Variants in CNTNAP5 observed in about 807,000 individuals in gnomAD.
CNTNAP5 encodes contactin associated protein family member 5.
CNTNAP5 carries 72 observed loss-of-function variants against 150.2 expected under a neutral mutation model. That is an observed-to-expected ratio of 0.48 (90% confidence interval 0.40 to 0.58). The LOEUF (loss-of-function observed/expected upper bound fraction) is 0.58. Ranked by LOEUF, CNTNAP5 falls within the 20% of genes least tolerant of loss-of-function variation. CNTNAP5 has a pLI of 0.00. For synonymous variants in CNTNAP5, 672 were observed against 619.8 expected (o/e 1.08, Z -1.25); for missense variants, 1,636 against 1,626.2 (o/e 1.01, Z -0.10).
At chr2:124,649,358 C>G (rs1678270431) in intron 13 of CNTNAP5, among the ~76,000 whole-genome samples, 1 of 152,154 alleles carries the variant, frequency 6.6e-6, no homozygotes. Context: ...GTCTGTCAAG[C>G]CTGCACGTGC....
chr2:124,298,562 A>T (rs1688496858), intron 3 of CNTNAP5, among the ~76,000 whole-genome samples: 1 of 152,192 alleles, frequency 6.6e-6, no homozygotes, highest in Non-Finnish European at 1.5e-5. Flanking sequence ...GAGCCTCAGT[A>T]AATTTACTTA....
intron 1 of CNTNAP5, among the ~76,000 whole-genome samples, chr2:124,114,368 A>C (rs1683375729): frequency 6.6e-6 from 1 of 152,034 alleles, no homozygotes; most frequent in Non-Finnish European, 1.5e-5. Flanking sequence ...CTTAGATATT[A>C]ATATTTTTAT....
chr2:124,150,082 A>G (rs1372862954), intron 1 of CNTNAP5, among the ~76,000 whole-genome samples: 2 of 152,248 alleles, frequency 1.3e-5, no homozygotes, highest in African/African-American at 2.4e-5. Context: ...TTTAAAAACT[A>G]CTGTGGAAAG....
At chr2:124,472,856 T>C (rs1202474117) in intron 6 of CNTNAP5, among the ~76,000 whole-genome samples, 1 of 151,894 alleles carries the variant, frequency 6.6e-6, no homozygotes, top group African/African-American at 2.4e-5. Context: ...GGAAAAATAG[T>C]GCTGAGAGAC....
chr2:124,910,539 T>A (rs1037079659), intron 22 of CNTNAP5, among the ~76,000 whole-genome samples: 1 of 151,982 alleles, frequency 6.6e-6, no homozygotes, highest in Non-Finnish European at 1.5e-5. Flanking sequence ...TGCCTGCACA[T>A]CACCAATCTT....
At chr2:124,379,520 T>C (rs1690737064) in intron 3 of CNTNAP5, among the ~76,000 whole-genome samples, 1 of 152,164 alleles carries the variant, frequency 6.6e-6, no homozygotes, top group East Asian at 1.9e-4. Context: ...TGATATTCCA[T>C]TGTCTGGACA....
chr2:124,136,786 C>T (rs955504449), intron 1 of CNTNAP5, among the ~76,000 whole-genome samples: 20 of 152,152 alleles, frequency 1.3e-4, no homozygotes, highest in Admixed American at 6.5e-5. Context: ...AAGCAATGCA[C>T]CTCTTTTCTG....
intron 21 of CNTNAP5, among the ~76,000 whole-genome samples, chr2:124,883,616 A>G (rs1678014314): frequency 6.6e-6 from 1 of 152,072 alleles, no homozygotes; most frequent in Non-Finnish European, 1.5e-5. Context: ...ATGTATGTCC[A>G]TGTGTGGTGA....
rs547833278 is a variant in CNTNAP5, at chr2:124,802,690, T to A, written c.3217+4370T>A. ...TCACAGAATTTTATTTAGTGATGGC[T>A]TTGCCTTCTCCACAGTAGTGGGGAT... On this transcript the variant is annotated intron_variant, in intron 19 of 23. Transcript: ENST00000682447. Among the ~76,000 whole-genome samples, 12 of 152,290 alleles carry A rather than the reference T, an allele frequency of 7.9e-5. No homozygotes were observed. The East Asian group carries it at 2.3e-3, about 29-fold the overall frequency.
intron 21 of CNTNAP5, among the ~76,000 whole-genome samples, chr2:124,882,105 G>A (rs1677976357): frequency 6.6e-6 from 1 of 152,060 alleles, no homozygotes; most frequent in East Asian, 1.9e-4. Flanking sequence ...ACTCAGTTCA[G>A]GGGTTTTGAA....
chr2:124,440,649 C>T (rs1692650515), intron 5 of CNTNAP5, among the ~76,000 whole-genome samples: 1 of 152,046 alleles, frequency 6.6e-6, no homozygotes, highest in Non-Finnish European at 1.5e-5. Flanking sequence ...ACATTTCAAG[C>T]TTCCTATAAA....
intron 13 of CNTNAP5, among the ~76,000 whole-genome samples, chr2:124,703,215 TTTC>T (rs1486689280): frequency 8.1e-6 from 1 of 124,188 alleles, no homozygotes; most frequent in Non-Finnish European, 1.9e-5. Flanking sequence ...TCTCCCTCTC[TTTC>T]TTCTTCCTTC....
chr2:124,389,891 G>A (rs1192868615), intron 3 of CNTNAP5, among the ~76,000 whole-genome samples: 1 of 152,116 alleles, frequency 6.6e-6, no homozygotes, highest in Admixed American at 6.5e-5. Context: ...TCTTGAGCCT[G>A]AGAGGTCAAG....
rs993933178 is a variant in CNTNAP5 at position 124,717,371 on chromosome 2, TGCACTTTAGTGCATATAACCATA to T, written c.2078-29830_2078-29808del. ...CAGGGAATACTTGAGAATTGAATGT[TGCACTTTAGTGCATATAACCATA>T]GCACTTTAGTGCATATAACCATAGC... On this transcript the variant is annotated intron_variant, in intron 13 of 23. Transcript: ENST00000682447. 2.1e-4 allele frequency among the ~76,000 whole-genome samples: 32 copies of T among 152,356 alleles called. No homozygotes were observed. In the South Asian group the frequency reaches 5.8e-3, roughly 28 times the overall value.
chr2:124,795,375 G>A (rs986373865), intron 18 of CNTNAP5, among the ~76,000 whole-genome samples: 38 of 152,186 alleles, frequency 2.5e-4, no homozygotes, highest in African/African-American at 7.9e-4. Flanking sequence ...CTGTCAATAC[G>A]GAGATCCTCT....
intron 10 of CNTNAP5, among the ~76,000 whole-genome samples, chr2:124,546,970 A>G (rs1308096657): frequency 6.6e-6 from 1 of 152,174 alleles, no homozygotes; most frequent in African/African-American, 2.4e-5. Context: ...CACCTGGTAG[A>G]GAAGTTAACT....
At chr2:124,119,115 T>G (rs1683497438) in intron 1 of CNTNAP5, among the ~76,000 whole-genome samples, 1 of 152,140 alleles carries the variant, frequency 6.6e-6, no homozygotes, top group Non-Finnish European at 1.5e-5. Context: ...GAGGCTGACT[T>G]TTCCTGCCAT....
At chr2:124,787,556 C>A (rs1203558824) in intron 17 of CNTNAP5, among the ~76,000 whole-genome samples, 1 of 152,156 alleles carries the variant, frequency 6.6e-6, no homozygotes, top group Non-Finnish European at 1.5e-5. Flanking sequence ...ATGGATGTAG[C>A]AAGTGAATGT....
chr2:124,684,565 A>C (rs1350344507), intron 13 of CNTNAP5, among the ~76,000 whole-genome samples: 4 of 152,176 alleles, frequency 2.6e-5, no homozygotes, highest in African/African-American at 7.2e-5. Flanking sequence ...TTTTGGCTTA[A>C]GCATGGACTT....
Sources: gnomAD v4.1 joint callset for allele counts (sites outside exome capture counted in the v4.1 genomes callset) on GRCh38, gnomAD v4.1.1 for gene constraint, MANE v1.5 for transcripts, NCBI Gene and HGNC (gene_info 2026-07-23, HGNC 2026-07-21) for gene names.